The following LARGE1 variants were observed in gnomAD, a reference collection of about 807,000 sequenced individuals.
LARGE1 encodes LARGE xylosyl- and glucuronyltransferase 1.
LARGE1 carries 43 observed loss-of-function variants against 87.6 expected under a neutral mutation model. The ratio of observed to expected loss-of-function variants is 0.49; its 90% CI spans 0.38 to 0.63. The LOEUF (loss-of-function observed/expected upper bound fraction) is 0.63, where lower values mean the gene tolerates loss of function less well. Among genes scored for constraint, LARGE1 ranks in the 30% least tolerant of loss-of-function variants. LARGE1 has a pLI of 0.00. For synonymous variants in LARGE1, 434 were observed against 394.6 expected (o/e 1.10, Z -1.18); for missense variants, 802 against 1,000.2 (o/e 0.80, Z 2.67).
chr22:33,428,064 C>T (rs1328459051), intron 7 of LARGE1, among the ~76,000 whole-genome samples: 1 of 152,124 alleles, frequency 6.6e-6, no homozygotes, highest in African/African-American at 2.4e-5. Context: ...CTGGATTACA[C>T]CTGGGGAAAG....
chr22:33,658,331 GGTTT>G (rs1387781268), intron 2 of LARGE1, among the ~76,000 whole-genome samples: 3 of 152,096 alleles, frequency 2.0e-5, no homozygotes, highest in East Asian at 3.9e-4. Flanking sequence ...AGGACATGCA[GGTTT>G]GTTACATGGT....
chr22:33,117,730 A>G, the LARGE1 span, among the ~76,000 whole-genome samples: 1 of 152,184 alleles, frequency 6.6e-6, no homozygotes, highest in Non-Finnish European at 1.5e-5. Context: ...TTGTACCAAA[A>G]TCACCTTATT....
Position 33,633,088 on chromosome 22 carries a change from T to C in LARGE1, c.409-6762A>G, listed in dbSNP as rs562008059. On this transcript the variant is annotated intron_variant, in intron 3 of 14. Transcript: ENST00000397394. ...CAACCTGCAGAAAAGATTCATAACA[T>C]TGATGTTTTTAGAGTTGCCAGTGTT... Among the ~76,000 whole-genome samples the C allele has an allele frequency of 1.9e-3, 289 of 152,202 alleles. 7 individuals carry two copies. The South Asian group carries it at 0.035, about 18-fold the overall frequency.
chr22:33,158,299 A>C (rs972545643), downstream of LARGE1, among the ~76,000 whole-genome samples: 1 of 151,756 alleles, frequency 6.6e-6, no homozygotes, highest in African/African-American at 2.4e-5. Flanking sequence ...TAGTGGAGAT[A>C]AATTTAAATC....
At chr22:33,427,290 C>T (rs911926347) in intron 7 of LARGE1, among the ~76,000 whole-genome samples, 20 of 152,158 alleles carry the variant, frequency 1.3e-4, no homozygotes, top group African/African-American at 4.3e-4. Flanking sequence ...TGGGCAAGAG[C>T]TTCATGCTAG....
Position 33,478,975 on chromosome 22 carries a change from G to A in LARGE1, c.788-46710C>T, listed in dbSNP as rs75538026. Among the ~76,000 whole-genome samples the A allele has an allele frequency of 3.1e-3, 476 of 152,214 alleles. 3 individuals are homozygous for A. The highest frequency in any genetic ancestry group is 0.021 in the South Asian group (100 of 4,816). Reference sequence around the variant, plus strand: ...TGGCTCAACATGTAGTTGACACCAAGGATTTTTACTGTACAACAGCTTTTC... The same window carrying A: ...TGGCTCAACATGTAGTTGACACCAAAGATTTTTACTGTACAACAGCTTTTC... On this transcript the variant is annotated intron_variant, in intron 6 of 14. Transcript: ENST00000397394.
chr22:33,435,213 G>C (rs2067224535), intron 6 of LARGE1, among the ~76,000 whole-genome samples: 1 of 152,090 alleles, frequency 6.6e-6, no homozygotes, highest in Non-Finnish European at 1.5e-5. Context: ...TGTTGACCAG[G>C]CTGATCTCGA....
chr22:33,360,877 C>T (rs754145254), intron 9 of LARGE1, among the ~76,000 whole-genome samples: 6 of 149,926 alleles, frequency 4.0e-5, no homozygotes, highest in Non-Finnish European at 6.0e-5. Flanking sequence ...GCTCTCCTGT[C>T]CAGCCTGCTG....
chr22:33,792,237 C>T (rs1405217262), intron 1 of LARGE1, among the ~76,000 whole-genome samples: 1 of 152,178 alleles, frequency 6.6e-6, no homozygotes, highest in African/African-American at 2.4e-5. Flanking sequence ...ATGGGAGGGA[C>T]CTGTTAGGAC....
chr22:33,647,904 C>G (rs144962938), intron 3 of LARGE1, among the ~76,000 whole-genome samples: 1 of 152,030 alleles, frequency 6.6e-6, no homozygotes. Context: ...ACTACAGATG[C>G]GCGCCACCAC....
At chr22:33,746,801 TA>T (rs1438896720) in intron 2 of LARGE1, among the ~76,000 whole-genome samples, 2 of 152,190 alleles carry the variant, frequency 1.3e-5, no homozygotes, top group East Asian at 3.9e-4. Context: ...GCGATGTTGT[TA>T]CCATGCTGGT....
the LARGE1 span, among the ~76,000 whole-genome samples, chr22:33,078,832 C>G: frequency 1.3e-5 from 2 of 152,178 alleles, no homozygotes. Context: ...AAGTGACTGC[C>G]TCAAAGGAGA....
Position 33,597,350 on chromosome 22 carries a change from C to G in LARGE1, c.615+7085G>C, listed in dbSNP as rs115258741. Among the ~76,000 whole-genome samples, 909 of 151,248 alleles carry G rather than the reference C, an allele frequency of 6.0e-3. 5 individuals are homozygous for G. The highest frequency in any genetic ancestry group is 9.8e-3 in the Non-Finnish European group (668 of 67,876). On this transcript the variant is annotated intron_variant, in intron 5 of 14. Coordinates refer to ENST00000397394, the MANE Select transcript of LARGE1 (RefSeq NM_133642.5). ...CCCTAGAATCCTATGATTTCATGCT[C>G]TCTTCAGTCTCTCCCAGAAGAAAAT...
chr22:33,280,480 A>T (rs1042983728), intron 13 of LARGE1, among the ~76,000 whole-genome samples: 1 of 152,124 alleles, frequency 6.6e-6, no homozygotes, highest in African/African-American at 2.4e-5. Flanking sequence ...GAAAATTATA[A>T]TGTGAAAAGG....
chr22:33,554,731 T>C (rs1018165139), intron 6 of LARGE1, among the ~76,000 whole-genome samples: 4 of 152,242 alleles, frequency 2.6e-5, no homozygotes, highest in African/African-American at 9.6e-5. Context: ...AGGGATCTTT[T>C]CAAATCTTCT....
At chr22:33,349,624 C>A (rs1196629817) in intron 9 of LARGE1, among the ~76,000 whole-genome samples, 1 of 152,228 alleles carries the variant, frequency 6.6e-6, no homozygotes, top group Non-Finnish European at 1.5e-5. Flanking sequence ...CCATGAGCTG[C>A]TGAAGCTTCC....
chr22:33,366,294 TCTC>T lies in LARGE1; in HGVS notation c.1131+15622_1131+15624del, dbSNP rs141670630. On this transcript the variant is annotated intron_variant, in intron 9 of 14. Coordinates refer to ENST00000397394, the MANE Select transcript of LARGE1 (RefSeq NM_133642.5). ...TAAATGTGTGTGTGCTCTTGCACGC[TCTC>T]CTCTTTCCAACTAATTGCACGGCCC... is the stretch of plus-strand genomic sequence containing the variant. 1.8e-3 allele frequency among the ~76,000 whole-genome samples: 277 copies of T among 152,382 alleles called. 1 individual carries two copies. The South Asian group carries it at 0.031, about 17-fold the overall frequency.
chr22:33,294,440 GAA>G (rs1374605728), intron 12 of LARGE1, among the ~76,000 whole-genome samples: 4 of 152,214 alleles, frequency 2.6e-5, no homozygotes, highest in Admixed American at 2.0e-4. Context: ...GGACTCCTAT[GAA>G]AGTTATATTA....
At chr22:33,117,797 G>A in the LARGE1 span, among the ~76,000 whole-genome samples, 23 of 152,134 alleles carry the variant, frequency 1.5e-4, no homozygotes, top group African/African-American at 5.3e-4. Flanking sequence ...TGGAGCATGT[G>A]GATTTTCATG....
Sources: gnomAD v4.1 joint callset for allele counts (sites outside exome capture counted in the v4.1 genomes callset) on GRCh38, gnomAD v4.1.1 for gene constraint, MANE v1.5 for transcripts, NCBI Gene and HGNC (gene_info 2026-07-23, HGNC 2026-07-21) for gene names.